The following POLI variants were observed in gnomAD, a reference collection of about 807,000 sequenced individuals.
POLI encodes the protein DNA polymerase iota.
Under a neutral mutation model 51.6 loss-of-function variants are expected in POLI, and 58 were observed. The observed-to-expected ratio is 1.12, with a 90% confidence interval of 0.91 to 1.40. The LOEUF (loss-of-function observed/expected upper bound fraction) is 1.40. Among genes scored for constraint, POLI ranks in the 40% most tolerant of loss-of-function variants. POLI has a pLI of 0.00. For missense variants in POLI, 921 were observed against 871.3 expected, an observed-to-expected ratio of 1.06 and a Z score of -0.72; for synonymous variants, 322 against 299.7, an observed-to-expected ratio of 1.07 and a Z score of -0.77.
Position 54,280,835 on chromosome 18 carries a change from A to G in POLI, c.728A>G (p.Gln243Arg), listed in dbSNP as rs1486851739. ...TCTGGTGTCTTTAAACCAAATCAACAAACAGTCTTATTACCTGAAAGTTGT... is the reference window on the plus strand; with the variant it reads ...TCTGGTGTCTTTAAACCAAATCAACGAACAGTCTTATTACCTGAAAGTTGT... ...LVSGVFKPNQ[Q>R]TVLLPESCQH... is the part of the protein sequence containing the mutation. The change falls in exon 5 of 10, where the codon CAA becomes CGA. Residue 243 changes from glutamine to arginine, a missense_variant. Coordinates refer to ENST00000579534, the MANE Select transcript of POLI (RefSeq NM_007195.3). 1 of 1,613,510 alleles carries G rather than the reference A, an allele frequency of 6.2e-7. No individual in the cohort carries two copies. The highest frequency in any genetic ancestry group is 1.3e-5 in the African/African-American group (1 of 74,922).
At chr18:54,300,111 C>T (rs1301776590), downstream of POLI, among the ~76,000 whole-genome samples, 1 of 105,196 alleles carries the variant, frequency 9.5e-6, no homozygotes, top group Non-Finnish European at 2.1e-5. Context: ...AAGAGCACAC[C>T]AGATGGAAAT....
At chr18:54,313,439 C>T (rs2088695568) in intron 3 of POLI, among the ~76,000 whole-genome samples, 1 of 151,524 alleles carries the variant, frequency 6.6e-6, no homozygotes, top group African/African-American at 2.4e-5. Flanking sequence ...GCTATTTGGG[C>T]TTTTTTTTGG....
intron 8 of POLI, among the ~76,000 whole-genome samples, chr18:54,291,150 C>G (rs560852): frequency 2.0e-5 from 3 of 152,026 alleles, no homozygotes; most frequent in Non-Finnish European, 4.4e-5. Context: ...TAGGGTTGTA[C>G]GGGGAGCCTA....
Position 54,291,850 on chromosome 18 carries a change from A to AC in POLI, c.1220dup (p.Met408AsnfsTer3), listed in dbSNP as rs1449706407. On this transcript the variant is annotated frameshift_variant, in exon 9 of 10. Coordinates refer to ENST00000579534, the MANE Select transcript of POLI (RefSeq NM_007195.3). LOFTEE classifies it high-confidence loss of function. The stretch of plus-strand genomic sequence containing the variant: ...TTATTTAGGAAATTATGATGTGATG[A>AC]CCCCAATGGTTGATATACTTATGAA... 1 of 1,548,694 alleles carries AC rather than the reference A, an allele frequency of 6.5e-7. No individual in the cohort carries two copies. Among genetic ancestry groups the AC allele is most frequent in the Non-Finnish European group, 8.9e-7 (1 of 1,124,390 alleles).
chr18:54,308,165 T>G (rs1054330118), intron 3 of POLI, among the ~76,000 whole-genome samples: 3 of 152,236 alleles, frequency 2.0e-5, no homozygotes, highest in African/African-American at 7.2e-5. Context: ...TGATGCAGTT[T>G]CTTCCTAGCC....
intron 1 of POLI, 82 bp downstream of exon 1, chr18:54,269,743 C>A: frequency 7.1e-7 from 1 of 1,406,606 alleles, no homozygotes; most frequent in Non-Finnish European, 9.2e-7. Context: ...GGGCGGCGGC[C>A]ACTGGGGCGC....
At chr18:54,300,418 T>C (rs772621927), downstream of POLI, among the ~76,000 whole-genome samples, 11 of 151,986 alleles carry the variant, frequency 7.2e-5, no homozygotes, top group Non-Finnish European at 1.5e-4. Flanking sequence ...AAGTTAGAGA[T>C]GTATAATATA....
In POLI at chr18:54,297,385, T is replaced by G; in HGVS notation, c.*2918T>G. On this transcript the variant is annotated 3_prime_UTR_variant, in exon 10 of 10. Coordinates refer to ENST00000579534, the MANE Select transcript of POLI (RefSeq NM_007195.3). ...CTTGAGTGTATAGTGTAGAGGGGGTTTCTGTCTTGAGTGTAGGCCTGGAGA... is the reference window on the plus strand; with the variant it reads ...CTTGAGTGTATAGTGTAGAGGGGGTGTCTGTCTTGAGTGTAGGCCTGGAGA... The G allele has an allele frequency of 4.1e-6, 4 of 984,004 alleles. No individual in the cohort carries two copies. The highest frequency in any genetic ancestry group is 4.8e-6 in the Non-Finnish European group (4 of 828,824). 61.0% of individuals were successfully genotyped at this position (984,004 alleles called of 1,614,324 possible).
chr18:54,299,940 G>T (rs1228449473), downstream of POLI, among the ~76,000 whole-genome samples: 2 of 152,000 alleles, frequency 1.3e-5, no homozygotes, highest in African/African-American at 2.4e-5. Flanking sequence ...GAAGACAGTG[G>T]TCTGACATCC....
At chr18:54,299,615 C>A (rs535009), downstream of POLI, among the ~76,000 whole-genome samples, 10,273 of 152,160 alleles carry the variant, frequency 0.068, 403 homozygotes, top group African/African-American at 0.082. Context: ...ATAAACACAG[C>A]ATCTGTGAGC....
intron 9 of POLI, among the ~76,000 whole-genome samples, chr18:54,292,659 G>A (rs2088082019): frequency 6.6e-6 from 1 of 152,002 alleles, no homozygotes; most frequent in South Asian, 2.1e-4. Context: ...AATTGTTCAT[G>A]CCTATAATTA....
At chr18:54,312,064 T>C (rs1568160673) in intron 3 of POLI, among the ~76,000 whole-genome samples, 1 of 152,180 alleles carries the variant, frequency 6.6e-6, no homozygotes, top group Non-Finnish European at 1.5e-5. Flanking sequence ...ATAGTGAGCA[T>C]AGTATCCAAT....
At chr18:54,287,717 C>T (rs139067407) in intron 8 of POLI, 19 of 202,320 alleles carry the variant, frequency 9.4e-5, no homozygotes, top group South Asian at 2.5e-4. Context: ...GTAGCTGGGA[C>T]AGTAGGTGCA....
At chr18:54,299,732 T>A (rs189506524), downstream of POLI, among the ~76,000 whole-genome samples, 6 of 152,126 alleles carry the variant, frequency 3.9e-5, no homozygotes, top group African/African-American at 1.2e-4. Context: ...GAGAAATTTT[T>A]CCAAATTTGA....
At chr18:54,272,567 G>A (rs1252272767) in intron 2 of POLI, among the ~76,000 whole-genome samples, 1 of 151,938 alleles carries the variant, frequency 6.6e-6, no homozygotes, top group East Asian at 1.9e-4. Context: ...TGCCTCTGGG[G>A]CTCAGGTGAT....
chr18:54,285,190 A>G (rs1473941258), intron 7 of POLI, among the ~76,000 whole-genome samples: 1 of 152,158 alleles, frequency 6.6e-6, no homozygotes, highest in Non-Finnish European at 1.5e-5. Context: ...GCCTCCCGTG[A>G]TATGACTCAG....
At position 54,280,796 on chromosome 18, in the gene POLI, T is replaced by C; in HGVS notation, c.689T>C (p.Leu230Ser). ...GCAGVASNKL[L>S]AKLVSGVFKP... ...GCTGGAGTGGCTTCTAATAAACTGT[T>C]GGCAAAATTAGTTTCTGGTGTCTTT... Residue 230 changes from leucine (L) to serine (S), a missense_variant, in exon 5 of 10, where the codon TTG becomes TCG. Transcript: ENST00000579534. The C allele has an allele frequency of 6.2e-7, 1 of 1,613,860 alleles. No individual in the cohort carries two copies.
chr18:54,270,841 G>A (rs1272900790), intron 1 of POLI: 2 of 152,390 alleles, frequency 1.3e-5, no homozygotes, highest in East Asian at 1.9e-4. Context: ...TTAGGCACTG[G>A]CGATTTAGCA....
intron 8 of POLI, among the ~76,000 whole-genome samples, chr18:54,289,414 A>G (rs1009442516): frequency 1.3e-5 from 2 of 152,136 alleles, no homozygotes; most frequent in African/African-American, 4.8e-5. Context: ...AAAGTAATTT[A>G]TAGGTTCAAT....
Sources: gnomAD v4.1 joint callset for allele counts (sites outside exome capture counted in the v4.1 genomes callset) on GRCh38, gnomAD v4.1.1 for gene constraint, MANE v1.5 for transcripts, NCBI Gene and HGNC (gene_info 2026-07-23, HGNC 2026-07-21) for gene names.